Variants in ZNF420 observed in about 807,000 individuals in gnomAD.
The protein encoded by ZNF420 is ATM and p53-associated KZNF protein.
ZNF420 carries 31 observed loss-of-function variants against 44.7 expected under a neutral mutation model. That is an observed-to-expected ratio of 0.69 (90% CI 0.52 to 0.94). ZNF420 has a LOEUF of 0.94. Ranked by LOEUF, ZNF420 falls within the 40% of genes least tolerant of loss-of-function variation. ZNF420 has a pLI of 0.00. For missense variants in ZNF420, 681 were observed against 827.9 expected, an observed-to-expected ratio of 0.82 and a Z score of 2.18; for synonymous variants, 245 against 267.4, an observed-to-expected ratio of 0.92 and a Z score of 0.82.
At position 37,018,652 on chromosome 19, in the gene ZNF420, C is replaced by T. The variant is rs758547279; in HGVS notation, c.-125+10570C>T. On this transcript the variant is annotated intron_variant, in intron 1 of 4. Coordinates refer to the ZNF420 transcript ENST00000587029. ...GCATGATCTTAGCTCACTGCAACTT[C>T]TGCCTCCTGGGTTTAAGTAATTCTC... 5.9e-5 allele frequency among the ~76,000 whole-genome samples: 9 copies of T among 152,344 alleles called. No individual in the cohort carries two copies. The East Asian group carries it at 1.7e-3, about 29-fold the overall frequency.
At chr19:37,025,894 G>T (rs1967149191) in intron 1 of ZNF420, among the ~76,000 whole-genome samples, 1 of 149,070 alleles carries the variant, frequency 6.7e-6, no homozygotes, top group African/African-American at 2.5e-5. Context: ...TCCTGCCTCA[G>T]CCTTCCAAAG....
chr19:37,128,157 A>G lies in ZNF420; in HGVS notation c.1166A>G (p.Lys389Arg). ...CACCAGAGAATTCACACCAATGAAA[A>G]GCCCTATGAATGTAAGGAATGTGGA... ...TQHQRIHTNEKPYECKECGKM... is the reference protein window; with the variant it reads ...TQHQRIHTNERPYECKECGKM... Residue 389 changes from lysine (K) to arginine (R), a missense_variant, in exon 5 of 5, where the codon AAG (lysine) becomes AGG (arginine). This residue lies in a region of ZNF420 where 51 missense variants were observed against 106.8 expected (regional missense o/e 0.48). Transcript: ENST00000337995. The G allele has an allele frequency of 6.2e-7, 1 of 1,614,140 alleles. No individual in the cohort carries two copies.
chr19:37,014,666 G>A (rs1599593186), intron 1 of ZNF420, among the ~76,000 whole-genome samples: 1 of 152,198 alleles, frequency 6.6e-6, no homozygotes, highest in African/African-American at 2.4e-5. Context: ...AGCCGACCAC[G>A]ACAATGCGCA....
At chr19:37,074,741 T>A (rs1357194541), upstream of ZNF420, among the ~76,000 whole-genome samples, 1 of 152,160 alleles carries the variant, frequency 6.6e-6, no homozygotes, top group Non-Finnish European at 1.5e-5. Flanking sequence ...TGGTGAAATA[T>A]ATAATATCTG....
intron 1 of ZNF420, among the ~76,000 whole-genome samples, chr19:37,021,936 C>CAAAAAAAAAAAAAAA (rs60559933): frequency 4.7e-5 from 4 of 84,588 alleles, no homozygotes; most frequent in Non-Finnish European, 6.8e-5. Flanking sequence ...CAGTCTGTCT[C>CAAAAAAAAAAAAAAA]AAAAAAAAAA....
At chr19:37,012,764 CTCTGTGTGTGTGTGTGTG>C (rs1259887216) in intron 1 of ZNF420, among the ~76,000 whole-genome samples, 4,070 of 132,348 alleles carry the variant, frequency 0.031, 105 homozygotes, top group Middle Eastern at 0.076. Context: ...TGCTATATGT[CTCTGTGTGTGTGTGTGTG>C]TGTGTGTGTG....
chr19:37,117,670 T>C (rs56717658), intron 4 of ZNF420, among the ~76,000 whole-genome samples: 2,931 of 151,662 alleles, frequency 0.019, 77 homozygotes, highest in East Asian at 0.05. Flanking sequence ...ATCAAACTAC[T>C]CCCGAGCTAC....
chr19:37,020,754 G>A (rs1020190420), intron 1 of ZNF420, among the ~76,000 whole-genome samples: 1 of 152,188 alleles, frequency 6.6e-6, no homozygotes, highest in Non-Finnish European at 1.5e-5. Flanking sequence ...CAACATGGAT[G>A]TTAAGAATAT....
At chr19:37,107,557 T>G (rs1348236443) in intron 4 of ZNF420, 1 of 152,082 alleles carries the variant, frequency 6.6e-6, no homozygotes, top group Non-Finnish European at 1.5e-5. Flanking sequence ...TTATGTCTAC[T>G]TATTTCTGCA....
intron 2 of ZNF420, among the ~76,000 whole-genome samples, chr19:37,086,085 CATGAGCCA>C (rs1260099269): frequency 2.6e-5 from 4 of 151,944 alleles, no homozygotes; most frequent in Non-Finnish European, 5.9e-5. Flanking sequence ...TGCTTACAGG[CATGAGCCA>C]CCGTGCCCAG....
chr19:37,120,129 AGC>A (rs1970943719), intron 4 of ZNF420, among the ~76,000 whole-genome samples: 1 of 152,250 alleles, frequency 6.6e-6, no homozygotes, highest in Non-Finnish European at 1.5e-5. Flanking sequence ...TTATGAGGCC[AGC>A]ATCATCCTGA....
intron 1 of ZNF420, among the ~76,000 whole-genome samples, chr19:37,039,056 T>C (rs1967408928): frequency 6.6e-6 from 1 of 152,086 alleles, no homozygotes; most frequent in South Asian, 2.1e-4. Flanking sequence ...CCACTTGTAA[T>C]TCTCTTTCTC....
intron 1 of ZNF420, among the ~76,000 whole-genome samples, chr19:37,036,724 C>A (rs73623598): frequency 0.012 from 1,883 of 152,284 alleles, 50 homozygotes; most frequent in African/African-American, 0.043. Context: ...TGAAGCCATC[C>A]AAGCATATAG....
chr19:37,105,391 G>C (rs2146626319), intron 4 of ZNF420, among the ~76,000 whole-genome samples: 1 of 152,244 alleles, frequency 6.6e-6, no homozygotes, highest in Admixed American at 6.5e-5. Flanking sequence ...ATGCTGTTTT[G>C]GTTACTGTAG....
chr19:37,099,114 G>A (rs1969619638), intron 4 of ZNF420, among the ~76,000 whole-genome samples: 1 of 152,068 alleles, frequency 6.6e-6, no homozygotes, highest in East Asian at 1.9e-4. Context: ...CCATGTTATT[G>A]CTATTGTGGA....
chr19:37,113,623 G>A (rs73626600), intron 4 of ZNF420, among the ~76,000 whole-genome samples: 3,093 of 152,232 alleles, frequency 0.02, 83 homozygotes, highest in African/African-American at 0.05. Flanking sequence ...CTCCTTTAGC[G>A]CCTTGTCTTA....
chr19:37,076,496 A>C (rs1968157066), upstream of ZNF420, among the ~76,000 whole-genome samples: 1 of 151,954 alleles, frequency 6.6e-6, no homozygotes, highest in East Asian at 1.9e-4. Context: ...TTTACATTAG[A>C]TATATCTCCT....
chr19:37,079,958 C>T (rs1395987399), intron 1 of ZNF420, among the ~76,000 whole-genome samples: 2 of 152,176 alleles, frequency 1.3e-5, no homozygotes, highest in Non-Finnish European at 2.9e-5. Flanking sequence ...CAAGCCACTG[C>T]ACTCCAGCCT....
At chr19:37,104,379 C>G (rs1000749077) in intron 4 of ZNF420, among the ~76,000 whole-genome samples, 1 of 152,146 alleles carries the variant, frequency 6.6e-6, no homozygotes, top group African/African-American at 2.4e-5. Flanking sequence ...TTAATCCAGT[C>G]TATCATTGAT....
Sources: allele counts gnomAD v4.1 joint callset (sites outside exome capture counted in the v4.1 genomes callset), GRCh38; gene constraint gnomAD v4.1.1; regional missense constraint gnomAD v4.1.1; transcripts MANE v1.5; gene names NCBI Gene and HGNC (gene_info 2026-07-23, HGNC 2026-07-21).